MAGI3: variants seen among roughly 807,000 people sequenced by gnomAD.
MAGI3 encodes membrane associated guanylate kinase, WW and PDZ domain containing 3, also known as membrane-associated guanylate kinase, WW and PDZ domain-containing protein 3.
A neutral mutation model predicts 121.8 loss-of-function variants in MAGI3; 43 were observed. That is an observed-to-expected ratio of 0.35 (90% CI 0.28 to 0.46). The LOEUF (loss-of-function observed/expected upper bound fraction) is 0.46. Ranked by LOEUF, MAGI3 falls within the 20% of genes least tolerant of loss-of-function variation. MAGI3 has a pLI of 1.00. For synonymous variants in MAGI3, 553 were observed against 639.3 expected (o/e 0.86, Z 2.04); for missense variants, 1,547 against 1,797.3 (o/e 0.86, Z 2.52).
At chr1:113,638,205 C>T (rs931179763) in intron 9 of MAGI3, among the ~76,000 whole-genome samples, 13 of 152,158 alleles carry the variant, frequency 8.5e-5, no homozygotes, top group African/African-American at 3.1e-4. Context: ...GTAGTTTGAT[C>T]GTCTGAAGCC....
At chr1:113,602,780 A>G (rs953487401) in intron 6 of MAGI3, among the ~76,000 whole-genome samples, 17 of 152,038 alleles carry the variant, frequency 1.1e-4, no homozygotes, top group African/African-American at 4.1e-4. Context: ...ACACAAATTA[A>G]CCAGGTATGG....
At chr1:113,655,582 C>G (rs1338305544) in intron 15 of MAGI3, among the ~76,000 whole-genome samples, 1 of 150,982 alleles carries the variant, frequency 6.6e-6, no homozygotes, top group East Asian at 1.9e-4. Flanking sequence ...TTTATATTTC[C>G]TTGTTTCAAT....
At position 113,684,118 on chromosome 1, in the gene MAGI3, G is replaced by C; in HGVS notation, c.*104G>C. ...TTTTCAGATATTCTGAAACAGATAA[G>C]TACATGTTAATGTGAGCCTCAAGTT... On this transcript the variant is annotated 3_prime_UTR_variant, in exon 21 of 21. Coordinates refer to ENST00000307546, the MANE Select transcript of MAGI3 (RefSeq NM_001142782.2). 7.8e-7 allele frequency: 1 copy of C among 1,280,406 alleles called. No individual in the cohort carries two copies. The allele number at this position is 1,280,406 out of a possible 1,614,324, so 79.3% of individuals were successfully genotyped here. A position where few individuals can be genotyped will look rare whatever the true frequency, so the allele number is the denominator to read the frequency against.
intron 16 of MAGI3, among the ~76,000 whole-genome samples, chr1:113,666,331 A>G (rs764949582): frequency 2.8e-4 from 42 of 152,156 alleles, no homozygotes; most frequent in Non-Finnish European, 5.6e-4. Context: ...GTCCTCTCAA[A>G]CTTTGCCTCT....
In MAGI3 at chr1:113,580,571, G is replaced by C; in HGVS notation, c.463G>C (p.Val155Leu). The C allele has an allele frequency of 6.2e-7, 1 of 1,611,328 alleles. No individual in the cohort carries two copies. Among genetic ancestry groups the C allele is most frequent in the Non-Finnish European group, 8.5e-7 (1 of 1,178,262 alleles). Residue 155 changes from valine to leucine, a missense_variant, in exon 3 of 21, where the codon GTA becomes CTA. Val to Leu is a conservative substitution (Grantham distance 32). Coordinates refer to ENST00000307546, the MANE Select transcript of MAGI3 (RefSeq NM_001142782.2). ...CTTRAPRDGE[V>L]PGVDYNFISV... ...TACAAGGGCCCCCAGGGATGGAGAA[G>C]TACCAGGAGTGGATTATAATTTCAT...
intron 4 of MAGI3, among the ~76,000 whole-genome samples, chr1:113,587,195 A>ATTTGTTTG (rs10644002): frequency 1.5e-4 from 22 of 150,874 alleles, no homozygotes; most frequent in Non-Finnish European, 2.2e-4. Context: ...TTTTTTGTTT[A>ATTTGTTTG]TTTGTTTGTT....
chr1:113,550,432 A>T (rs1410162918), intron 2 of MAGI3, among the ~76,000 whole-genome samples: 1 of 151,714 alleles, frequency 6.6e-6, no homozygotes, highest in African/African-American at 2.4e-5. Flanking sequence ...AAAAAGTAGA[A>T]AGTAGAAAAA....
chr1:113,392,809 A>AG (rs1352329146), intron 1 of MAGI3, among the ~76,000 whole-genome samples: 1 of 152,188 alleles, frequency 6.6e-6, no homozygotes, highest in African/African-American at 2.4e-5. Flanking sequence ...TGTGAAAGGC[A>AG]GAGGAAAGAC....
In MAGI3 at chr1:113,580,607, C is replaced by T; in HGVS notation, c.499C>T (p.Gln167Ter). The T allele has an allele frequency of 6.2e-7, 1 of 1,611,384 alleles. No homozygotes were observed. Among genetic ancestry groups the T allele is most frequent in the South Asian group, 1.1e-5 (1 of 90,846 alleles). Reference protein sequence around the residue: ...GVDYNFISVEQFKALEESGAL... With the variant: ...GVDYNFISVE ...GGATTATAATTTCATTTCCGTTGAA[C>T]AGTTCAAAGCACTGGAAGAGAGTGG... The change falls in exon 3 of 21, where the codon CAG (glutamine) becomes TAG (stop). Residue 167 changes from glutamine to a stop codon, truncating the protein, a stop_gained. Coordinates refer to ENST00000307546, the MANE Select transcript of MAGI3 (RefSeq NM_001142782.2). LOFTEE classifies it high-confidence loss of function.
In MAGI3 at chr1:113,594,484, C is replaced by T. The variant is rs1648876760; in HGVS notation, c.942C>T (p.His314=). The change falls in exon 6 of 21, where the codon CAC becomes CAT. Residue 314 remains histidine, a synonymous_variant. Transcript: ENST00000307546. The part of the protein sequence containing the change: ...TDTGMIYFID[H]NTKTTTWLDP... ...AATTAAAATCTTTATTCTACAGCCA[C>T]AATACCAAGACAACCACCTGGTTGG... The T allele has an allele frequency of 6.2e-7, 1 of 1,610,280 alleles. No homozygotes were observed. Among genetic ancestry groups the T allele is most frequent in the Non-Finnish European group, 8.5e-7 (1 of 1,178,512 alleles).
chr1:113,465,661 C>T (rs540586182), intron 1 of MAGI3, among the ~76,000 whole-genome samples: 2 of 152,092 alleles, frequency 1.3e-5, no homozygotes, highest in East Asian at 1.9e-4. Flanking sequence ...ATTTTTTTGG[C>T]ATCCTCTTCA....
At chr1:113,587,471 C>T (rs1373704503) in intron 4 of MAGI3, among the ~76,000 whole-genome samples, 2 of 152,210 alleles carry the variant, frequency 1.3e-5, no homozygotes, top group Admixed American at 1.3e-4. Flanking sequence ...GCTGGGATTA[C>T]AGGCGTGAGC....
At chr1:113,636,423 T>C (rs1259150033) in intron 9 of MAGI3, among the ~76,000 whole-genome samples, 1 of 152,250 alleles carries the variant, frequency 6.6e-6, no homozygotes, top group Non-Finnish European at 1.5e-5. Context: ...TTCTGGTATG[T>C]TGTGTCTTTC....
rs531377931 is a variant in MAGI3 at position 113,651,035 on chromosome 1, C to T, written c.2269C>T (p.Pro757Ser). ...DQSIYIGAII[P>S]LGAAEKDGRL... ...TCAGATATATATTGGGGCTATTATT[C>T]CCCTGGGAGCAGCTGAGAAAGATGG... Residue 757 changes from proline to serine, a missense_variant, in exon 14 of 21, where the codon CCC becomes TCC. Coordinates refer to ENST00000307546, the MANE Select transcript of MAGI3 (RefSeq NM_001142782.2). The T allele has an allele frequency of 6.2e-7, 1 of 1,613,906 alleles. No homozygotes were observed. The highest frequency in any genetic ancestry group is 1.3e-5 in the African/African-American group (1 of 75,012).
intron 9 of MAGI3, among the ~76,000 whole-genome samples, chr1:113,635,143 T>G (rs200935852): frequency 0.1 from 15,745 of 152,240 alleles, 1,045 homozygotes; most frequent in East Asian, 0.19. Flanking sequence ...CAATGGGGTT[T>G]TCTAGATATA....
intron 9 of MAGI3, among the ~76,000 whole-genome samples, chr1:113,631,074 A>T (rs1651599670): frequency 6.6e-6 from 1 of 152,072 alleles, no homozygotes; most frequent in South Asian, 2.1e-4. Context: ...AGCTGAGTAC[A>T]GCCTGGTTCT....
At chr1:113,657,508 A>G (rs180702824) in intron 15 of MAGI3, among the ~76,000 whole-genome samples, 34 of 152,348 alleles carry the variant, frequency 2.2e-4, no homozygotes, top group Admixed American at 6.5e-4. Context: ...GATTAATTCT[A>G]TTTAATGCTT....
chr1:113,453,534 G>A (rs761453734), intron 1 of MAGI3, among the ~76,000 whole-genome samples: 26 of 152,088 alleles, frequency 1.7e-4, no homozygotes, highest in Non-Finnish European at 3.4e-4. Flanking sequence ...ATCACAAATT[G>A]GCATAAAAGC....
At chr1:113,532,937 C>T (rs568965159) in intron 1 of MAGI3, among the ~76,000 whole-genome samples, 3 of 152,288 alleles carry the variant, frequency 2.0e-5, no homozygotes, top group African/African-American at 7.2e-5. Flanking sequence ...GATTAATTTA[C>T]ATCTCTCTAG....
Sources: gnomAD v4.1 joint callset for allele counts (sites outside exome capture counted in the v4.1 genomes callset) on GRCh38, gnomAD v4.1.1 for gene constraint, MANE v1.5 for transcripts, NCBI Gene and HGNC (gene_info 2026-07-23, HGNC 2026-07-21) for gene names.